The following APLP2 variants were observed in gnomAD, a reference collection of about 807,000 sequenced individuals.
APLP2 encodes the protein CDEI box-binding protein.
APLP2 carries 53 observed loss-of-function variants against 89.9 expected under a neutral mutation model. The ratio of observed to expected loss-of-function variants is 0.59; its 90% CI spans 0.47 to 0.74. The LOEUF (loss-of-function observed/expected upper bound fraction) is 0.74. APLP2 is among the 30% of genes least tolerant of loss of function. The pLI, the probability that APLP2 is intolerant of heterozygous loss-of-function variation, is 0.00. For missense variants in APLP2, 973 were observed against 975.9 expected (o/e 1.00, Z 0.04); for synonymous variants, 372 against 348.6 (o/e 1.07, Z -0.75).
chr11:130,085,276 G>A (rs879455240), intron 1 of APLP2, among the ~76,000 whole-genome samples: 7 of 151,988 alleles, frequency 4.6e-5, no homozygotes, highest in Admixed American at 2.0e-4. Flanking sequence ...ATGGCGAAAC[G>A]CCGTCTCTAC....
In APLP2 at chr11:130,109,571, CA is replaced by C; in HGVS notation, c.252del (p.Glu85LysfsTer19). 1 of 1,613,204 alleles carries C rather than the reference CA, an allele frequency of 6.2e-7. No individual in the cohort carries two copies. Reference sequence around the variant, plus strand: ...ACAGGCACCAAGAGCTGCTTTGAAACAAAAGAAGAAGTTCTTCAGTACTGTC... The same window carrying C: ...ACAGGCACCAAGAGCTGCTTTGAAACAAAGAAGAAGTTCTTCAGTACTGTC... ...DPTGTKSCFE[T>X]KEEVLQYCQE... is the part of the protein sequence containing the mutation. On this transcript the variant is annotated frameshift_variant, in exon 2 of 17. Transcript: ENST00000338167. LOFTEE classifies it high-confidence loss of function.
At chr11:130,137,953 A>C (rs567781433) in intron 13 of APLP2, among the ~76,000 whole-genome samples, 1 of 152,144 alleles carries the variant, frequency 6.6e-6, no homozygotes, top group Non-Finnish European at 1.5e-5. Flanking sequence ...TAGGATGAGT[A>C]GTGTTTTTAG....
At chr11:130,101,352 G>GTTTT (rs1301463939) in intron 1 of APLP2, 3 of 141,016 alleles carry the variant, frequency 2.1e-5, no homozygotes, top group African/African-American at 8.7e-5. Context: ...CTAATTTTTT[G>GTTTT]TATTTTTTTT....
intron 1 of APLP2, among the ~76,000 whole-genome samples, chr11:130,070,394 G>A (rs1355023868): frequency 6.6e-6 from 1 of 151,192 alleles, no homozygotes. Flanking sequence ...GGGACCCAGT[G>A]CCCCCGGGCG....
chr11:130,114,862 A>T (rs1318804804), intron 3 of APLP2, among the ~76,000 whole-genome samples: 1 of 152,134 alleles, frequency 6.6e-6, no homozygotes, highest in Non-Finnish European at 1.5e-5. Flanking sequence ...GGCAGCTTTG[A>T]GGTGCTGTCT....
At chr11:130,131,828 G>C (rs1224762292) in intron 11 of APLP2, among the ~76,000 whole-genome samples, 3 of 152,150 alleles carry the variant, frequency 2.0e-5, no homozygotes, top group Non-Finnish European at 4.4e-5. Flanking sequence ...AGTAATGTGG[G>C]AAGTAGAATG....
At chr11:130,139,475 T>C (rs985075850) in intron 13 of APLP2, 2 of 152,236 alleles carry the variant, frequency 1.3e-5, no homozygotes, top group Non-Finnish European at 2.9e-5. Context: ...TTGAACTGTA[T>C]GTTATTATGA....
chr11:130,093,033 T>A (rs904772797), intron 1 of APLP2, among the ~76,000 whole-genome samples: 2 of 152,000 alleles, frequency 1.3e-5, no homozygotes, highest in East Asian at 1.9e-4. Context: ...TGAATACCCC[T>A]CCCTACCTGG....
chr11:130,089,552 G>A (rs902428025), intron 1 of APLP2, among the ~76,000 whole-genome samples: 1 of 152,198 alleles, frequency 6.6e-6, no homozygotes, highest in Non-Finnish European at 1.5e-5. Flanking sequence ...CTGTCTCAGA[G>A]TATATATGCT....
At chr11:130,104,784 C>G (rs1947432001) in intron 1 of APLP2, among the ~76,000 whole-genome samples, 3 of 152,106 alleles carry the variant, frequency 2.0e-5, no homozygotes, top group Admixed American at 2.0e-4. Context: ...AGGGTAAAGT[C>G]AATTCTAGTT....
At chr11:130,083,342 AT>A (rs1462644903) in intron 1 of APLP2, among the ~76,000 whole-genome samples, 5 of 148,086 alleles carry the variant, frequency 3.4e-5, no homozygotes, top group Admixed American at 6.7e-5. Flanking sequence ...GCCTTAAAAC[AT>A]TTTTTTTTTG....
At chr11:130,120,057 A>G (rs965835978) in intron 3 of APLP2, among the ~76,000 whole-genome samples, 5 of 152,188 alleles carry the variant, frequency 3.3e-5, no homozygotes, top group African/African-American at 1.2e-4. Flanking sequence ...GTGTTTTAGC[A>G]TGATTAGATT....
At chr11:130,093,703 C>G (rs1015985510) in intron 1 of APLP2, among the ~76,000 whole-genome samples, 1 of 152,062 alleles carries the variant, frequency 6.6e-6, no homozygotes, top group Non-Finnish European at 1.5e-5. Context: ...GTTGAAAGTT[C>G]AGAATACCAG....
intron 3 of APLP2, among the ~76,000 whole-genome samples, chr11:130,116,609 T>G (rs1019501929): frequency 6.6e-6 from 1 of 152,026 alleles, no homozygotes; most frequent in African/African-American, 2.4e-5. Context: ...CAGCTGAGAT[T>G]ACAGGCATTC....
At chr11:130,136,247 C>G (rs370543695) in intron 13 of APLP2, among the ~76,000 whole-genome samples, 44 of 152,268 alleles carry the variant, frequency 2.9e-4, no homozygotes, top group African/African-American at 5.1e-4. Context: ...CAGAAATAAA[C>G]AAGTTGCTGA....
At chr11:130,121,994 T>C (rs567940481) in intron 5 of APLP2, among the ~76,000 whole-genome samples, 184 bp downstream of exon 5, 5 of 152,312 alleles carry the variant, frequency 3.3e-5, no homozygotes, top group African/African-American at 9.6e-5. Flanking sequence ...GTGATTTTTG[T>C]GTTTACATCA....
intron 13 of APLP2, among the ~76,000 whole-genome samples, chr11:130,136,753 G>A (rs1951663545): frequency 2.0e-5 from 3 of 152,176 alleles, no homozygotes; most frequent in Non-Finnish European, 4.4e-5. Context: ...CATGCCACCC[G>A]CAAATCTCCG....
At position 130,078,533 on chromosome 11, in the gene APLP2, G is replaced by A. The variant is rs73041232; in HGVS notation, c.105+8451G>A. ...GTGCTTTTTGTATCCTGTTTGAGAA[G>A]TCTTTTCCTACCCTGAGGATATAAC... On this transcript the variant is annotated intron_variant, in intron 1 of 16. Coordinates refer to ENST00000338167, the MANE Select transcript of APLP2 (RefSeq NM_001142276.2). Among the ~76,000 whole-genome samples the A allele has an allele frequency of 3.1e-3, 471 of 152,104 alleles. 2 individuals carry two copies. The highest frequency in any genetic ancestry group is 6.6e-3 in the Admixed American group (101 of 15,290).
At chr11:130,137,435 A>AG in intron 13 of APLP2, 1 of 790,474 alleles carries the variant, frequency 1.3e-6, no homozygotes, top group Non-Finnish European at 2.2e-6. Context: ...GGGTCAGAGC[A>AG]GCCCCACCTC....
Sources: gnomAD v4.1 joint callset for allele counts (sites outside exome capture counted in the v4.1 genomes callset) on GRCh38, gnomAD v4.1.1 for gene constraint, MANE v1.5 for transcripts, NCBI Gene and HGNC (gene_info 2026-07-23, HGNC 2026-07-21) for gene names.